BZW2: variants seen among roughly 807,000 people sequenced by gnomAD.
BZW2 encodes basic leucine zipper and W2 domains 2, also known as eIF5-mimic protein 1.
Under a neutral mutation model 53.2 loss-of-function variants are expected in BZW2, and 23 were observed. The ratio of observed to expected loss-of-function variants is 0.43; its 90% CI spans 0.31 to 0.61. The LOEUF is 0.61. Among genes scored for constraint, BZW2 ranks in the 20% least tolerant of loss-of-function variants. The pLI is 0.09. For missense variants in BZW2, 409 were observed against 503.1 expected (o/e 0.81, Z 1.79); for synonymous variants, 227 against 186.4 (o/e 1.22, Z -1.77).
At chr7:16,685,668 A>G (rs1342847423) in intron 5 of BZW2, among the ~76,000 whole-genome samples, 2 of 152,122 alleles carry the variant, frequency 1.3e-5, no homozygotes, top group African/African-American at 4.8e-5. Flanking sequence ...AATGTTATCT[A>G]CAGCTGTGAG....
chr7:16,691,744 C>G (rs1055929425), intron 7 of BZW2, among the ~76,000 whole-genome samples: 1 of 152,162 alleles, frequency 6.6e-6, no homozygotes. Context: ...ACAATCTATC[C>G]GGTTATTTCT....
chr7:16,682,744 G>A, intron 4 of BZW2, 36 bp from the exon 5 acceptor site: 1 of 1,376,870 alleles, frequency 7.3e-7, no homozygotes, highest in Non-Finnish European at 1.0e-6. Context: ...GTGTCTTTTT[G>A]GTTGACCTAA....
chr7:16,689,465 C>G (rs188526200), intron 6 of BZW2, among the ~76,000 whole-genome samples: 1 of 152,012 alleles, frequency 6.6e-6, no homozygotes, highest in East Asian at 1.9e-4. Flanking sequence ...TACATATGAA[C>G]CAGAGGGTGA....
At chr7:16,675,061 G>T (rs1042427373) in intron 3 of BZW2, among the ~76,000 whole-genome samples, 1 of 152,086 alleles carries the variant, frequency 6.6e-6, no homozygotes, top group African/African-American at 2.4e-5. Context: ...AAAGATAGAA[G>T]ATTAGAAATT....
intron 3 of BZW2, among the ~76,000 whole-genome samples, chr7:16,678,338 C>T (rs1038645532): frequency 1.3e-5 from 2 of 151,906 alleles, no homozygotes; most frequent in African/African-American, 4.8e-5. Flanking sequence ...GGCCACCACG[C>T]CCGGCCCCAT....
chr7:16,681,338 C>T lies in BZW2; in HGVS notation c.273C>T (p.Thr91=), dbSNP rs77834852. The change falls in exon 4 of 12, where the codon ACC becomes ACT. Residue 91 remains threonine, a synonymous_variant. Coordinates refer to ENST00000258761, the MANE Select transcript of BZW2 (RefSeq NM_014038.3). The part of the protein sequence containing the change: ...GGTRIDDGDK[T]KMTNHCVFSA... The stretch of plus-strand genomic sequence containing the variant: ...CGCGCATAGATGATGGTGACAAGAC[C>T]AAGATGACCAACCACTGTGTGTTTT... 1.1e-5 allele frequency: 18 copies of T among 1,613,844 alleles called. No individual in the cohort carries two copies. In the Middle Eastern group the frequency reaches 1.3e-3, roughly 118 times the overall value.
intron 6 of BZW2, 112 bp from the exon 7 acceptor site, chr7:16,689,685 C>A (rs1783240740): frequency 2.6e-6 from 2 of 777,960 alleles, no homozygotes; most frequent in Non-Finnish European, 1.9e-6. Flanking sequence ...TCATTTGTAC[C>A]AAAATTAGTC....
At chr7:16,676,397 A>G (rs1782766686) in intron 3 of BZW2, among the ~76,000 whole-genome samples, 1 of 151,876 alleles carries the variant, frequency 6.6e-6, no homozygotes, top group Non-Finnish European at 1.5e-5. Flanking sequence ...AAAAATACCA[A>G]ATTAGCTGGG....
At chr7:16,680,623 G>A (rs1242667659) in intron 3 of BZW2, among the ~76,000 whole-genome samples, 1 of 151,718 alleles carries the variant, frequency 6.6e-6, no homozygotes, top group Non-Finnish European at 1.5e-5. Flanking sequence ...TGGGCAACAT[G>A]GGAAAACCCT....
intron 2 of BZW2, among the ~76,000 whole-genome samples, chr7:16,668,597 A>G (rs1052946501): frequency 2.0e-5 from 3 of 152,204 alleles, no homozygotes; most frequent in African/African-American, 7.2e-5. Context: ...CTGACATCAA[A>G]TAAGTGATTA....
In BZW2 at chr7:16,685,863, T is replaced by C. The variant is rs1286057908; in HGVS notation, c.406-42T>C. The C allele has an allele frequency of 4.7e-6, 7 of 1,476,760 alleles. 1 individual carries two copies. Among genetic ancestry groups the C allele is most frequent in the Admixed American group, 5.5e-5 (2 of 36,560 alleles). 91.5% of individuals were successfully genotyped at this position (1,476,760 alleles called of 1,614,324 possible). On this transcript the variant is annotated intron_variant, in intron 5 of 11. Coordinates refer to ENST00000258761, the MANE Select transcript of BZW2 (RefSeq NM_014038.3). ...TTCATAGACATGGTTCCTTTTTTTT[T>C]CTTTTTCTTTTTCTTTTTTTTTTTT...
chr7:16,693,670 A>G (rs1783390730), intron 7 of BZW2, among the ~76,000 whole-genome samples: 1 of 152,232 alleles, frequency 6.6e-6, no homozygotes, highest in African/African-American at 2.4e-5. Context: ...AACTCAATAA[A>G]AATACATTAG....
At chr7:16,674,339 T>G in intron 2 of BZW2, 73 bp from the exon 3 acceptor site, 4 of 1,182,920 alleles carry the variant, frequency 3.4e-6, no homozygotes, top group Non-Finnish European at 4.6e-6. Flanking sequence ...TAAAATAGAA[T>G]TAAAGTTTTG....
chr7:16,703,591 G>A (rs1004117053), intron 10 of BZW2, among the ~76,000 whole-genome samples: 7 of 151,926 alleles, frequency 4.6e-5, no homozygotes, highest in East Asian at 1.9e-4. Flanking sequence ...AGCACATCTC[G>A]GGGACAATAA....
At chr7:16,658,312 C>T (rs890562487) in intron 1 of BZW2, among the ~76,000 whole-genome samples, 1 of 152,172 alleles carries the variant, frequency 6.6e-6, no homozygotes, top group Non-Finnish European at 1.5e-5. Flanking sequence ...AAGTAAGTGA[C>T]ATTGTGTAGT....
At chr7:16,672,208 A>G (rs61216985) in intron 2 of BZW2, among the ~76,000 whole-genome samples, 17,613 of 152,118 alleles carry the variant, frequency 0.12, 1,861 homozygotes, top group African/African-American at 0.28. Context: ...ACTTGGAAAC[A>G]ATCTTTCATT....
chr7:16,691,448 AGCCTGGCTT>A (rs1783302400), intron 7 of BZW2, among the ~76,000 whole-genome samples: 1 of 152,246 alleles, frequency 6.6e-6, no homozygotes, highest in Non-Finnish European at 1.5e-5. Flanking sequence ...ATCTTGGCTA[AGCCTGGCTT>A]AGTTCCACAT....
Position 16,706,067 on chromosome 7 carries a change from A to G in BZW2, c.1239A>G (p.Glu413=), listed in dbSNP as rs1358097475. Residue 413 remains glutamate, a synonymous_variant, in exon 12 of 12, where the codon GAA becomes GAG. Coordinates refer to ENST00000258761, the MANE Select transcript of BZW2 (RefSeq NM_014038.3). ...EWLQNAEEES[E]SEGEEN is the part of the protein sequence containing the mutation. Reference sequence around the variant, plus strand: ...TTCTTTCTTCTCTCCTAGAATCCGAATCGGAAGGTGAGGAAAATTAAATGG... The same window carrying G: ...TTCTTTCTTCTCTCCTAGAATCCGAGTCGGAAGGTGAGGAAAATTAAATGG... 3.1e-6 allele frequency: 5 copies of G among 1,613,746 alleles called. No homozygotes were observed. In the South Asian group the frequency reaches 4.4e-5, roughly 14 times the overall value.
intron 2 of BZW2, among the ~76,000 whole-genome samples, chr7:16,667,543 G>C (rs994156945): frequency 6.6e-6 from 1 of 152,096 alleles, no homozygotes; most frequent in African/African-American, 2.4e-5. Context: ...TTGCAGTGCT[G>C]TCTCCATTTA....
Sources: allele counts gnomAD v4.1 joint callset (sites outside exome capture counted in the v4.1 genomes callset), GRCh38; gene constraint gnomAD v4.1.1; transcripts MANE v1.5; gene names NCBI Gene and HGNC (gene_info 2026-07-23, HGNC 2026-07-21).